CHST9: variants seen among roughly 807,000 people sequenced by gnomAD.
CHST9 encodes the protein carbohydrate sulfotransferase 9, also known as GalNAc-4-sulfotransferase 2.
In CHST9, 41 loss-of-function variants were observed where a neutral mutation model predicts 44.4. The observed-to-expected ratio is 0.92, with a 90% CI of 0.72 to 1.20. The LOEUF is 1.20. Ranked by LOEUF, CHST9 falls within the 50% of genes most tolerant of loss-of-function variation. The pLI is 0.00. For missense variants in CHST9, 504 were observed against 516.5 expected, an observed-to-expected ratio of 0.98 and a Z score of 0.23; for synonymous variants, 171 against 178.4, an observed-to-expected ratio of 0.96 and a Z score of 0.33.
chr18:27,023,645 CAAAGCT>C (rs1406290923), intron 4 of CHST9, among the ~76,000 whole-genome samples: 7 of 152,108 alleles, frequency 4.6e-5, no homozygotes, highest in Non-Finnish European at 8.8e-5. Context: ...GCAGAAAATT[CAAAGCT>C]AAATTTCAGC....
intron 4 of CHST9, 64 bp from the exon 5 acceptor site, chr18:26,944,430 A>G: frequency 8.6e-7 from 1 of 1,164,304 alleles, no homozygotes; most frequent in Non-Finnish European, 1.3e-6. Context: ...TGCGGTACTG[A>G]TGCTGCTCTG....
At chr18:27,123,345 T>A (rs1172647977) in intron 2 of CHST9, among the ~76,000 whole-genome samples, 1 of 152,290 alleles carries the variant, frequency 6.6e-6, no homozygotes, top group Admixed American at 6.5e-5. Context: ...TGGTGCCCTG[T>A]AATACCCCCC....
chr18:27,029,412 G>A (rs1211102698), intron 3 of CHST9, among the ~76,000 whole-genome samples: 1 of 152,102 alleles, frequency 6.6e-6, no homozygotes, highest in Non-Finnish European at 1.5e-5. Flanking sequence ...TAACAACACA[G>A]AAGAACCCAT....
At chr18:27,054,514 C>T (rs142701340) in intron 2 of CHST9, among the ~76,000 whole-genome samples, 76 of 152,118 alleles carry the variant, frequency 5.0e-4, no homozygotes, top group African/African-American at 1.5e-3. Flanking sequence ...ACTAAAGTTC[C>T]GCATCTCATG....
chr18:27,144,450 T>C (rs1214575646), intron 1 of CHST9, among the ~76,000 whole-genome samples: 1 of 152,142 alleles, frequency 6.6e-6, no homozygotes, highest in Non-Finnish European at 1.5e-5. Context: ...AGGCTGAGGC[T>C]GGAGGACTGC....
chr18:27,045,913 C>T (rs1255454115), intron 3 of CHST9, among the ~76,000 whole-genome samples: 2 of 152,172 alleles, frequency 1.3e-5, no homozygotes, highest in East Asian at 3.9e-4. Context: ...AGACGCTTTA[C>T]TGAGAAACTC....
chr18:27,060,230 G>T (rs1371578166), intron 2 of CHST9, among the ~76,000 whole-genome samples: 2 of 152,190 alleles, frequency 1.3e-5, no homozygotes, highest in African/African-American at 4.8e-5. Flanking sequence ...CTAGAGAAGA[G>T]GCTGTGGACT....
At chr18:26,933,961 G>A (rs2055929329) in intron 5 of CHST9, among the ~76,000 whole-genome samples, 1 of 152,160 alleles carries the variant, frequency 6.6e-6, no homozygotes, top group Non-Finnish European at 1.5e-5. Context: ...ATGACAACAA[G>A]GAACCCAAGG....
chr18:27,140,938 T>C (rs2058559126), intron 2 of CHST9, among the ~76,000 whole-genome samples: 1 of 63,776 alleles, frequency 1.6e-5, no homozygotes, highest in Non-Finnish European at 3.9e-5. Flanking sequence ...GCAACCTCTT[T>C]TCACAAAGTT....
intron 2 of CHST9, among the ~76,000 whole-genome samples, chr18:27,141,107 C>G (rs2058560737): frequency 6.6e-6 from 1 of 152,122 alleles, no homozygotes. Context: ...GCCTGTAATC[C>G]TAGCACTTTG....
At chr18:27,061,271 T>C (rs576732884) in intron 2 of CHST9, among the ~76,000 whole-genome samples, 5 of 152,292 alleles carry the variant, frequency 3.3e-5, no homozygotes, top group African/African-American at 9.6e-5. Context: ...TTTAACCTTT[T>C]TGGGTATAAG....
intron 1 of CHST9, among the ~76,000 whole-genome samples, chr18:27,160,128 C>G (rs1256363321): frequency 6.6e-6 from 1 of 152,046 alleles, no homozygotes; most frequent in Admixed American, 6.6e-5. Context: ...TTGCCCTGGC[C>G]AGAACTTCCA....
intron 2 of CHST9, among the ~76,000 whole-genome samples, chr18:27,065,997 G>T (rs2143631574): frequency 6.6e-6 from 1 of 152,262 alleles, no homozygotes. Context: ...AATGAAACAG[G>T]TGATAACCGG....
chr18:27,054,008 T>A (rs2057620978), intron 2 of CHST9, among the ~76,000 whole-genome samples: 1 of 152,230 alleles, frequency 6.6e-6, no homozygotes, highest in Admixed American at 6.5e-5. Context: ...TGGTTCACAA[T>A]TAGTTGTGTG....
Position 27,054,093 on chromosome 18 carries a change from T to C in CHST9, c.122-5590A>G, listed in dbSNP as rs144234207. ...CCATATCGTTCTCTCTCCTGATGTC[T>C]AGCACCGTGCCTTAAACACAAATGC... is the stretch of plus-strand genomic sequence containing the variant. On this transcript the variant is annotated intron_variant, in intron 2 of 5. Transcript: ENST00000618847. Among the ~76,000 whole-genome samples the C allele has an allele frequency of 8.3e-3, 1,269 of 152,306 alleles. 25 individuals are homozygous for C. The highest frequency in any genetic ancestry group is 0.029 in the African/African-American group (1,212 of 41,572).
Position 27,049,270 on chromosome 18 carries a change from G to A in CHST9, c.122-767C>T, listed in dbSNP as rs115321688. 4.1e-3 allele frequency among the ~76,000 whole-genome samples: 618 copies of A among 152,200 alleles called. 4 individuals are homozygous for A. Among genetic ancestry groups the A allele is most frequent in the African/African-American group, 0.014 (593 of 41,550 alleles). ...AATAGGGCCCAGTGATTTATAAAATGTGAGTTGCCAGGAAGGAGAAGAAGT... is the reference window on the plus strand; with the variant it reads ...AATAGGGCCCAGTGATTTATAAAATATGAGTTGCCAGGAAGGAGAAGAAGT... On this transcript the variant is annotated intron_variant, in intron 2 of 5. Coordinates refer to ENST00000618847, the MANE Select transcript of CHST9 (RefSeq NM_031422.6).
intron 2 of CHST9, among the ~76,000 whole-genome samples, chr18:27,108,456 G>T (rs1713579845): frequency 6.6e-6 from 1 of 152,062 alleles, no homozygotes; most frequent in South Asian, 2.1e-4. Context: ...TTTTCACTTT[G>T]ATAGAGCTTT....
chr18:27,029,744 C>T (rs1342385980), intron 3 of CHST9, among the ~76,000 whole-genome samples: 4 of 152,092 alleles, frequency 2.6e-5, no homozygotes, highest in South Asian at 2.1e-4. Context: ...AAAAAAGAGT[C>T]TGCAGTTATT....
chr18:27,123,663 A>C (rs1045907235), intron 2 of CHST9, among the ~76,000 whole-genome samples: 1 of 152,240 alleles, frequency 6.6e-6, no homozygotes, highest in African/African-American at 2.4e-5. Flanking sequence ...ATTGCTGGTG[A>C]GCAGTTTGCT....
Sources: allele counts gnomAD v4.1 joint callset (sites outside exome capture counted in the v4.1 genomes callset), GRCh38; gene constraint gnomAD v4.1.1; transcripts MANE v1.5; gene names NCBI Gene and HGNC (gene_info 2026-07-23, HGNC 2026-07-21).